ULK4: variants seen among roughly 807,000 people sequenced by gnomAD.
The protein encoded by ULK4 is inactive serine/threonine-protein kinase ULK4.
A neutral mutation model predicts 160.6 loss-of-function variants in ULK4; 133 were observed. That is an observed-to-expected ratio of 0.83 (90% confidence interval 0.72 to 0.96). The LOEUF (loss-of-function observed/expected upper bound fraction) is 0.96. ULK4 is among the 40% of genes least tolerant of loss of function. ULK4 has a pLI of 0.00. For synonymous variants in ULK4, 534 were observed against 539.8 expected, an observed-to-expected ratio of 0.99 and a Z score of 0.15; for missense variants, 1,580 against 1,499.5, an observed-to-expected ratio of 1.05 and a Z score of -0.89.
intron 17 of ULK4, among the ~76,000 whole-genome samples, chr3:41,874,624 G>A (rs189776512): frequency 1.2e-3 from 179 of 152,244 alleles, no homozygotes; most frequent in African/African-American, 4.1e-3. Flanking sequence ...TCCAAATATC[G>A]TATGTTCCCA....
At chr3:41,306,817 C>T (rs1223995285) in intron 35 of ULK4, among the ~76,000 whole-genome samples, 3 of 151,782 alleles carry the variant, frequency 2.0e-5, no homozygotes, top group Non-Finnish European at 2.9e-5. Context: ...ACTTCTTCTG[C>T]CGTGGGATCC....
rs367822807 is a variant in ULK4 at position 41,341,609 on chromosome 3, T to C, written c.3678+56470A>G. Among the ~76,000 whole-genome samples the C allele has an allele frequency of 9.9e-5, 15 of 151,218 alleles. 1 individual carries two copies. The highest frequency in any genetic ancestry group is 1.9e-4 in the Non-Finnish European group (13 of 67,904). The stretch of plus-strand genomic sequence containing the variant: ...GTAGGATGCAGCCAACCTGTAAAGG[T>C]AAAGACCAAGGGAAAAGAACAAGAA... On this transcript the variant is annotated intron_variant, in intron 35 of 36. Transcript: ENST00000301831.
intron 35 of ULK4, among the ~76,000 whole-genome samples, chr3:41,350,243 C>T (rs2080882632): frequency 6.6e-6 from 1 of 152,126 alleles, no homozygotes; most frequent in Non-Finnish European, 1.5e-5. Flanking sequence ...TGATCTTTTG[C>T]TTTTGATTTT....
chr3:41,706,341 AC>A (rs1366425258), intron 25 of ULK4, among the ~76,000 whole-genome samples: 9 of 146,266 alleles, frequency 6.2e-5, no homozygotes, highest in African/African-American at 2.0e-4. Flanking sequence ...CCACTAATAA[AC>A]AAAATAATAT....
At chr3:41,380,748 A>G (rs1258133121) in intron 35 of ULK4, among the ~76,000 whole-genome samples, 1 of 152,090 alleles carries the variant, frequency 6.6e-6, no homozygotes, top group Non-Finnish European at 1.5e-5. Context: ...GAGGCTCTGT[A>G]CATCCTATAT....
chr3:41,644,498 T>C (rs937156622), intron 30 of ULK4, among the ~76,000 whole-genome samples: 2 of 152,230 alleles, frequency 1.3e-5, no homozygotes, highest in African/African-American at 4.8e-5. Context: ...ATTACATTTA[T>C]TGATTTGTGT....
chr3:41,654,337 C>G (rs1362192401), intron 30 of ULK4, among the ~76,000 whole-genome samples: 1 of 152,122 alleles, frequency 6.6e-6, no homozygotes, highest in Non-Finnish European at 1.5e-5. Flanking sequence ...AGATAGTTAA[C>G]AACCATTAGC....
intron 35 of ULK4, among the ~76,000 whole-genome samples, chr3:41,262,533 T>C (rs921549596): frequency 2.0e-5 from 3 of 152,186 alleles, no homozygotes; most frequent in Admixed American, 6.5e-5. Context: ...GTATGTTCCC[T>C]TAACTTAGCC....
At chr3:41,822,814 C>T (rs1165577003) in intron 18 of ULK4, among the ~76,000 whole-genome samples, 2 of 147,934 alleles carry the variant, frequency 1.4e-5, no homozygotes, top group African/African-American at 5.0e-5. Flanking sequence ...CTCCGCCTCC[C>T]AGGTTCACGC....
chr3:41,605,338 C>T (rs1195086733), intron 31 of ULK4, among the ~76,000 whole-genome samples: 1 of 151,620 alleles, frequency 6.6e-6, no homozygotes, highest in Non-Finnish European at 1.5e-5. Context: ...AAAGGCAAGG[C>T]CCAACTACAT....
intron 31 of ULK4, among the ~76,000 whole-genome samples, chr3:41,591,190 T>A (rs2031277101): frequency 6.6e-6 from 1 of 152,128 alleles, no homozygotes; most frequent in Admixed American, 6.5e-5. Context: ...GAAAAGCAAC[T>A]TTGAAGTATT....
chr3:41,534,134 CCAAA>C (rs2086411755), intron 32 of ULK4, among the ~76,000 whole-genome samples: 1 of 152,102 alleles, frequency 6.6e-6, no homozygotes, highest in African/African-American at 2.4e-5. Flanking sequence ...TTCTTAGAGC[CCAAA>C]CAATCCTTAT....
intron 35 of ULK4, among the ~76,000 whole-genome samples, chr3:41,257,828 A>C (rs887266638): frequency 3.3e-5 from 5 of 152,176 alleles, no homozygotes; most frequent in African/African-American, 1.2e-4. Flanking sequence ...AAAACAAGGA[A>C]GTCGTCATGC....
chr3:41,300,702 T>C (rs2079768637), intron 35 of ULK4, among the ~76,000 whole-genome samples: 1 of 151,504 alleles, frequency 6.6e-6, no homozygotes, highest in African/African-American at 2.4e-5. Flanking sequence ...AGATCCCAGT[T>C]AGGAGAACAC....
At chr3:41,887,726 T>C (rs1575888571) in intron 16 of ULK4, among the ~76,000 whole-genome samples, 1 of 151,074 alleles carries the variant, frequency 6.6e-6, no homozygotes, top group South Asian at 2.1e-4. Flanking sequence ...GAGGCTGAGG[T>C]AGGAGAATCG....
intron 17 of ULK4, among the ~76,000 whole-genome samples, chr3:41,880,283 A>G (rs955730890): frequency 5.9e-5 from 9 of 152,198 alleles, no homozygotes; most frequent in African/African-American, 2.2e-4. Context: ...TAAATGTGTT[A>G]TCTAGGAATA....
intron 32 of ULK4, among the ~76,000 whole-genome samples, chr3:41,503,048 T>C (rs963365984): frequency 6.6e-6 from 1 of 152,184 alleles, no homozygotes; most frequent in African/African-American, 2.4e-5. Context: ...GTACTTTAGA[T>C]AGGCTTATCA....
At chr3:41,272,654 T>C (rs1411461840) in intron 35 of ULK4, among the ~76,000 whole-genome samples, 2 of 152,064 alleles carry the variant, frequency 1.3e-5, no homozygotes, top group Non-Finnish European at 1.5e-5. Context: ...ATAGTTTTCA[T>C]GAAATTTAGA....
intron 35 of ULK4, among the ~76,000 whole-genome samples, chr3:41,344,346 T>G (rs556082037): frequency 6.6e-5 from 10 of 152,132 alleles, no homozygotes; most frequent in Non-Finnish European, 1.2e-4. Context: ...ATTAAAGACT[T>G]AAATATAAAA....
Sources: gnomAD v4.1 joint callset for allele counts (sites outside exome capture counted in the v4.1 genomes callset) on GRCh38, gnomAD v4.1.1 for gene constraint, MANE v1.5 for transcripts, NCBI Gene and HGNC (gene_info 2026-07-23, HGNC 2026-07-21) for gene names.